Variants in ZNF541 observed in about 807,000 individuals in gnomAD.
ZNF541 encodes zinc finger protein 541.
ZNF541 carries 23 observed loss-of-function variants against 123.5 expected under a neutral mutation model. The ratio of observed to expected loss-of-function variants is 0.19; its 90% CI spans 0.13 to 0.26. The LOEUF (loss-of-function observed/expected upper bound fraction) is 0.26, where lower values mean the gene tolerates loss of function less well. ZNF541 is among the 10% of genes least tolerant of loss of function. The probability of loss-of-function intolerance (pLI) is 1.00; values close to 1 mark genes in which losing one functional copy is unlikely to be tolerated. For missense variants in ZNF541, 1,612 were observed against 1,789.9 expected (o/e 0.90, Z 1.79); for synonymous variants, 751 against 754.5 (o/e 1.00, Z 0.08).
At chr19:47,572,215 G>C (rs1330883270) in intron 1 of ZNF541, among the ~76,000 whole-genome samples, 173 bp from the exon 2 acceptor site, 1 of 152,178 alleles carries the variant, frequency 6.6e-6, no homozygotes, top group East Asian at 1.9e-4. Context: ...AGAAATAATT[G>C]TTCCTTCTTT....
intron 5 of ZNF541, among the ~76,000 whole-genome samples, chr19:47,543,847 T>C (rs1294022083): frequency 2.0e-5 from 3 of 152,110 alleles, no homozygotes; most frequent in Admixed American, 2.0e-4. Context: ...TTTCGCCATG[T>C]TGCCTAGGCT....
At chr19:47,541,730 G>A (rs567457876) in intron 5 of ZNF541, among the ~76,000 whole-genome samples, 133 of 152,320 alleles carry the variant, frequency 8.7e-4, no homozygotes, top group Admixed American at 1.7e-3. Flanking sequence ...CGCCAGGGTA[G>A]TTATAATTTA....
At chr19:47,542,231 G>A (rs1970111277) in intron 5 of ZNF541, among the ~76,000 whole-genome samples, 1 of 152,158 alleles carries the variant, frequency 6.6e-6, no homozygotes, top group African/African-American at 2.4e-5. Flanking sequence ...CCTGGGGGGA[G>A]GGCGAGATTG....
At chr19:47,538,514 A>G (rs1474783827) in intron 8 of ZNF541, 75 bp from the exon 9 acceptor site, 4 of 1,397,846 alleles carry the variant, frequency 2.9e-6, no homozygotes, top group Admixed American at 2.9e-5. Context: ...ATGGAAAGAG[A>G]GCAGGAAAAG....
At chr19:47,539,675 C>T in intron 8 of ZNF541, 30 bp downstream of exon 8, 1 of 1,378,654 alleles carries the variant, frequency 7.3e-7, no homozygotes, top group East Asian at 3.1e-5. Flanking sequence ...CGGGCAGTGG[C>T]AGGAAGGAGG....
intron 9 of ZNF541, among the ~76,000 whole-genome samples, chr19:47,537,074 G>A (rs2123033774): frequency 6.6e-6 from 1 of 152,290 alleles, no homozygotes; most frequent in Non-Finnish European, 1.5e-5. Context: ...CAGGCTGGGG[G>A]AAGAAGGGAC....
At chr19:47,541,288 T>G (rs1164786063) in intron 5 of ZNF541, among the ~76,000 whole-genome samples, 1 of 152,034 alleles carries the variant, frequency 6.6e-6, no homozygotes, top group African/African-American at 2.4e-5. Flanking sequence ...CATACTGGCA[T>G]GGGCCTGAGG....
chr19:47,524,777 C>CA (rs1969208566), intron 14 of ZNF541, among the ~76,000 whole-genome samples: 2 of 151,390 alleles, frequency 1.3e-5, no homozygotes, highest in African/African-American at 4.9e-5. Context: ...CCCAGCTACT[C>CA]AAAGTTGGAG....
At chr19:47,542,568 C>T (rs1417633076) in intron 5 of ZNF541, among the ~76,000 whole-genome samples, 1 of 152,044 alleles carries the variant, frequency 6.6e-6, no homozygotes, top group African/African-American at 2.4e-5. Context: ...AGGAGAATTG[C>T]TTGAACTTGG....
intron 4 of ZNF541, among the ~76,000 whole-genome samples, chr19:47,548,037 C>CA (rs762537736): frequency 0.019 from 980 of 51,930 alleles, 8 homozygotes; most frequent in African/African-American, 0.045. Context: ...CAAGACTGTC[C>CA]AAAAAAAAAA....
intron 4 of ZNF541, among the ~76,000 whole-genome samples, 181 bp downstream of exon 4, chr19:47,549,064 C>CAAAA (rs78494981): frequency 8.7e-6 from 1 of 114,580 alleles, no homozygotes; most frequent in African/African-American, 4.2e-5. Flanking sequence ...GGATGACAGA[C>CAAAA]AAAAAAAAAA....
intron 3 of ZNF541, among the ~76,000 whole-genome samples, chr19:47,552,479 G>A (rs1006393308): frequency 2.0e-5 from 3 of 151,982 alleles, no homozygotes; most frequent in South Asian, 2.1e-4. Context: ...AGGAAAAACC[G>A]GGCTCCCTCA....
At position 47,555,544 on chromosome 19, in the gene ZNF541, C is replaced by T. The variant is rs763059848; in HGVS notation, c.307+6G>A. 3.0e-5 allele frequency: 46 copies of T among 1,529,752 alleles called. No homozygotes were observed. The Admixed American group carries it at 6.0e-4, about 20-fold the overall frequency. 94.8% of individuals were successfully genotyped at this position (1,529,752 alleles called of 1,614,324 possible). A position where few individuals can be genotyped will look rare whatever the true frequency, so the allele number is the denominator to read the frequency against. On this transcript the variant is annotated splice_donor_region_variant and intron_variant, in intron 3 of 16. Transcript: ENST00000391901. Reference sequence around the variant, plus strand: ...CAGGGCCCTTCTACCCAGGTGACAGCCTCACCTTGTAAGGATGCCTGAGAC... The same window carrying T: ...CAGGGCCCTTCTACCCAGGTGACAGTCTCACCTTGTAAGGATGCCTGAGAC...
rs1011386815 is a variant in ZNF541 at position 47,555,833 on chromosome 19, G to A, written c.24C>T (p.Asp8=). The change falls in exon 3 of 17, where the codon GAC becomes GAT. Residue 8 remains aspartate, a synonymous_variant. Coordinates refer to ENST00000391901, the MANE Select transcript of ZNF541 (RefSeq NM_001277075.3). ...GCATTTCTGATGGGAGGGCACCCTCGTCTCCAAGGCTGTACTGGTCCATGG... is the reference window on the plus strand; with the variant it reads ...GCATTTCTGATGGGAGGGCACCCTCATCTCCAAGGCTGTACTGGTCCATGG... MDQYSLG[D]EGALPSEMHL... The A allele has an allele frequency of 5.2e-6, 8 of 1,551,080 alleles. No individual in the cohort carries two copies. The East Asian group carries it at 7.3e-5, about 14-fold the overall frequency.
intron 14 of ZNF541, among the ~76,000 whole-genome samples, chr19:47,526,279 C>T (rs189433937): frequency 0.016 from 2,361 of 151,944 alleles, 28 homozygotes; most frequent in Non-Finnish European, 0.023. Flanking sequence ...GTTGGGAGTT[C>T]GAGACCAGCC....
At position 47,545,214 on chromosome 19, in the gene ZNF541, C is replaced by T. The variant is rs556534122; in HGVS notation, c.1315G>A (p.Val439Met). 5 of 1,533,422 alleles carry T rather than the reference C, an allele frequency of 3.3e-6. No homozygotes were observed. The highest frequency in any genetic ancestry group is 2.5e-5 in the East Asian group (1 of 40,562). 95.0% of individuals were successfully genotyped at this position (1,533,422 alleles called of 1,614,324 possible). Reference protein sequence around the residue: ...NVFVVHKPSAVPSREGSESGP... With the variant: ...NVFVVHKPSAMPSREGSESGP... ...GACTCGGAGCCCTCCCGCGAGGGCA[C>T]GGCCGAGGGCTTGTGGACAACAAAC... is the stretch of plus-strand genomic sequence containing the variant. Residue 439 changes from valine (V) to methionine (M), a missense_variant, in exon 5 of 17, where the codon GTG becomes ATG. Physicochemically the swap from Val to Met is conservative, Grantham distance 21 (BLOSUM62 1). This residue lies in a region of ZNF541 where 1,080 missense variants were observed against 1,013.8 expected (regional missense o/e 1.07). Transcript: ENST00000391901. This position sits in a 1 kb window ranked among gnomAD's most constrained non-coding sequence, Gnocchi z 7.5.
intron 9 of ZNF541, among the ~76,000 whole-genome samples, chr19:47,537,061 G>A (rs1969854995): frequency 6.6e-6 from 1 of 152,208 alleles, no homozygotes; most frequent in Admixed American, 6.5e-5. Context: ...ATGAGTGGGT[G>A]CCCAGGCTGG....
Position 47,544,754 on chromosome 19 carries a change from G to A in ZNF541, c.1775C>T (p.Pro592Leu), listed in dbSNP as rs1429237037. Reference sequence around the variant, plus strand: ...CTGCTGCGGCCACGGCCCCTGCAGCGGCCTCAGGGCGGCTGGTTTGCCCTC... The same window carrying A: ...CTGCTGCGGCCACGGCCCCTGCAGCAGCCTCAGGGCGGCTGGTTTGCCCTC... ...APEGKPAALR[P>L]LQGPWPQQPP... is the part of the protein sequence containing the mutation. The change falls in exon 5 of 17, where the codon CCG (proline) becomes CTG (leucine). Residue 592 changes from proline to leucine, a missense_variant. By Grantham distance (98) the Pro-to-Leu change is moderately conservative. Coordinates refer to ENST00000391901, the MANE Select transcript of ZNF541 (RefSeq NM_001277075.3). 3.3e-6 allele frequency: 5 copies of A among 1,502,098 alleles called. No individual in the cohort carries two copies. The highest frequency in any genetic ancestry group is 4.4e-6 in the Non-Finnish European group (5 of 1,127,920). 93.0% of individuals were successfully genotyped at this position (1,502,098 alleles called of 1,614,324 possible).
chr19:47,525,256 G>C (rs1969231805), intron 14 of ZNF541, among the ~76,000 whole-genome samples: 1 of 151,456 alleles, frequency 6.6e-6, no homozygotes. Context: ...CTGCACTCCA[G>C]CCTGGGCAAC....
Sources: allele counts gnomAD v4.1 joint callset (sites outside exome capture counted in the v4.1 genomes callset), GRCh38; gene constraint gnomAD v4.1.1; regional missense constraint gnomAD v4.1.1; non-coding constraint Gnocchi (gnomAD v3.1); transcripts MANE v1.5; gene names NCBI Gene and HGNC (gene_info 2026-07-23, HGNC 2026-07-21).